Variants in OVCH1 observed in about 807,000 individuals in gnomAD.
The protein encoded by OVCH1 is ovochymase 1, also known as ovochymase-1.
OVCH1 carries 139 observed loss-of-function variants against 138.4 expected under a neutral mutation model. The ratio of observed to expected loss-of-function variants is 1.00; its 90% CI spans 0.87 to 1.16. The LOEUF (loss-of-function observed/expected upper bound fraction) is 1.16. Among genes scored for constraint, OVCH1 ranks in the 50% most tolerant of loss-of-function variants. OVCH1 has a pLI of 0.00. For missense variants in OVCH1, 1,367 were observed against 1,357.9 expected (o/e 1.01, Z -0.11); for synonymous variants, 453 against 467.8 (o/e 0.97, Z 0.41).
rs10651165 is a variant in OVCH1, at chr12:29,449,276, TACACACACACAC to T, written c.2755+2057_2755+2068del. Among the ~76,000 whole-genome samples, 1,164 of 137,430 alleles carry T rather than the reference TACACACACACAC, an allele frequency of 8.5e-3. 10 individuals carry two copies. The highest frequency in any genetic ancestry group is 0.023 in the African/African-American group (848 of 37,390). The allele number at this position is 137,430 out of a possible 152,430, so 90.2% of individuals were successfully genotyped here. A position where few individuals can be genotyped will look rare whatever the true frequency, so the allele number is the denominator to read the frequency against. Reference sequence around the variant, plus strand: ...CCCTCTTGCCTTTTTCCCCCCTCCCTACACACACACACACACACACACACACACACACACACA... The same window carrying T: ...CCCTCTTGCCTTTTTCCCCCCTCCCTACACACACACACACACACACACACA... On this transcript the variant is annotated intron_variant, in intron 22 of 27. Transcript: ENST00000318184.
At chr12:29,443,361 C>T in exon 25 of OVCH1, 1 of 1,608,632 alleles carries the variant, frequency 6.2e-7, no homozygotes, top group Non-Finnish European at 8.5e-7. Flanking sequence ...AATCAGTTAC[C>T]TATTAATTTT....
chr12:29,462,458 A>G (rs1279030374), intron 18 of OVCH1, among the ~76,000 whole-genome samples: 1 of 151,130 alleles, frequency 6.6e-6, no homozygotes, highest in Non-Finnish European at 1.5e-5. Flanking sequence ...AAAAATCATA[A>G]TCCTGTTCTT....
chr12:29,464,266 A>G, intron 18 of OVCH1: 2 of 540,078 alleles, frequency 3.7e-6, no homozygotes, highest in Non-Finnish European at 6.6e-6. Flanking sequence ...TATCTGGCCC[A>G]TTACAGTAAA....
At chr12:29,450,297 AG>A (rs1410767592) in intron 22 of OVCH1, among the ~76,000 whole-genome samples, 1 of 152,218 alleles carries the variant, frequency 6.6e-6, no homozygotes, top group Non-Finnish European at 1.5e-5. Flanking sequence ...AGAATCTACA[AG>A]GAACTTAAAC....
At chr12:29,471,715 G>A (rs1441531985) in intron 16 of OVCH1, 87 bp downstream of exon 16, 1 of 1,353,194 alleles carries the variant, frequency 7.4e-7, no homozygotes, top group East Asian at 2.7e-5. Context: ...AATTAGTCTG[G>A]ATGATCTTAG....
chr12:29,495,212 ATTAAAG>A, intron 4 of OVCH1, 67 bp downstream of exon 4: 1 of 1,387,754 alleles, frequency 7.2e-7, no homozygotes, highest in Non-Finnish European at 9.9e-7. Context: ...CCACACAGAC[ATTAAAG>A]TTAACTTGTA....
the OVCH1 span, among the ~76,000 whole-genome samples, chr12:29,406,298 TTTTA>T: frequency 3.8e-4 from 58 of 152,216 alleles, no homozygotes; most frequent in South Asian, 1.0e-3. Flanking sequence ...GTCACCTTTA[TTTTA>T]TTTATTTATT....
intron 18 of OVCH1, among the ~76,000 whole-genome samples, chr12:29,464,147 T>C (rs1370639985): frequency 6.6e-6 from 1 of 152,224 alleles, no homozygotes; most frequent in African/African-American, 2.4e-5. Flanking sequence ...AATTAAGTTC[T>C]GTTGGAACCC....
intron 26 of OVCH1, among the ~76,000 whole-genome samples, chr12:29,435,821 G>C (rs2135908478): frequency 6.6e-6 from 1 of 152,172 alleles, no homozygotes; most frequent in South Asian, 2.1e-4. Context: ...CCCTGTAACT[G>C]CTCCACTATG....
In OVCH1 at chr12:29,445,288, C is replaced by CA; in HGVS notation, c.2870dup (p.Leu957PhefsTer10). 3 of 1,610,384 alleles carry CA rather than the reference C, an allele frequency of 1.9e-6. No homozygotes were observed. Among genetic ancestry groups the CA allele is most frequent in the Non-Finnish European group, 2.5e-6 (3 of 1,177,588 alleles). On this transcript the variant is annotated frameshift_variant, in exon 23 of 28. Coordinates refer to ENST00000318184, the Ensembl canonical transcript of OVCH1. LOFTEE classifies it high-confidence loss of function. ...AATAACCAAACATACCTAGGACTTT[C>CA]AAGACAATATAGCTTATACCAAATG...
the OVCH1 span, among the ~76,000 whole-genome samples, chr12:29,405,039 A>C: frequency 0.1 from 15,054 of 147,982 alleles, 1,335 homozygotes; most frequent in Middle Eastern, 0.2. Flanking sequence ...AAAAAAAAAA[A>C]AAAAAAAAAA....
rs535887209 is a variant in OVCH1, at chr12:29,463,795, G to T, written c.2125+712C>A. ...ACAGTAAGCTGTCAATATCAACACT[G>T]TAAGCAGTCAAATATAAATTCCCTC... On this transcript the variant is annotated intron_variant, in intron 18 of 27. Coordinates refer to ENST00000318184, the Ensembl canonical transcript of OVCH1. 8.5e-5 allele frequency among the ~76,000 whole-genome samples: 13 copies of T among 152,246 alleles called. No homozygotes were observed. The South Asian group carries it at 2.7e-3, about 32-fold the overall frequency.
chr12:29,417,941 C>A (rs752531930), intron 3 of OVCH1, among the ~76,000 whole-genome samples: 8 of 152,212 alleles, frequency 5.3e-5, no homozygotes, highest in Non-Finnish European at 1.2e-4. Context: ...AGGATGGAAG[C>A]ATTGAAAAGA....
intron 8 of OVCH1, among the ~76,000 whole-genome samples, chr12:29,480,154 A>G (rs1454264846): frequency 2.6e-5 from 4 of 152,100 alleles, no homozygotes; most frequent in East Asian, 3.9e-4. Flanking sequence ...ATTCAAGTCC[A>G]TCATCCTGAA....
At chr12:29,485,225 T>C (rs1335415504) in intron 8 of OVCH1, among the ~76,000 whole-genome samples, 2 of 145,738 alleles carry the variant, frequency 1.4e-5, no homozygotes, top group African/African-American at 5.1e-5. Context: ...GTAGTCCTAC[T>C]CAGGAGACTG....
chr12:29,470,711 T>C (rs549952181), intron 16 of OVCH1, among the ~76,000 whole-genome samples: 3 of 152,330 alleles, frequency 2.0e-5, no homozygotes, highest in African/African-American at 7.2e-5. Flanking sequence ...TAGAATTATT[T>C]ATAATCTTTT....
At chr12:29,475,570 A>C (rs746348118) in intron 13 of OVCH1, among the ~76,000 whole-genome samples, 8 of 151,980 alleles carry the variant, frequency 5.3e-5, no homozygotes, top group Admixed American at 2.0e-4. Context: ...TTTCATGAAA[A>C]CCTCACACTA....
At chr12:29,453,878 T>C (rs1941867536) in intron 21 of OVCH1, among the ~76,000 whole-genome samples, 1 of 152,166 alleles carries the variant, frequency 6.6e-6, no homozygotes, top group Non-Finnish European at 1.5e-5. Context: ...ATCATTCATC[T>C]CAGGGGGCCT....
chr12:29,405,322 C>CACTT, the OVCH1 span, among the ~76,000 whole-genome samples: 7 of 152,012 alleles, frequency 4.6e-5, no homozygotes, highest in Admixed American at 3.3e-4. Context: ...CTCCCAGACT[C>CACTT]ATCAATGCAA....
Sources: gnomAD v4.1 joint callset for allele counts (sites outside exome capture counted in the v4.1 genomes callset) on GRCh38, gnomAD v4.1.1 for gene constraint, MANE v1.5 for transcripts, NCBI Gene and HGNC (gene_info 2026-07-23, HGNC 2026-07-21) for gene names.